The following KCNQ1 variants were observed in gnomAD, a reference collection of about 807,000 sequenced individuals.
KCNQ1 encodes the protein potassium voltage-gated channel subfamily Q member 1, also known as potassium voltage-gated channel subfamily KQT member 1.
Under a neutral mutation model 72.4 loss-of-function variants are expected in KCNQ1, and 49 were observed. The observed-to-expected ratio is 0.68, with a 90% CI of 0.54 to 0.86. The LOEUF is 0.86. Ranked by LOEUF, KCNQ1 falls within the 40% of genes least tolerant of loss-of-function variation. The pLI is 0.00. For synonymous variants in KCNQ1, 450 were observed against 412.6 expected, an observed-to-expected ratio of 1.09 and a Z score of -1.10; for missense variants, 790 against 945.1, an observed-to-expected ratio of 0.84 and a Z score of 2.15.
chr11:2,611,565 G>A lies in KCNQ1; in HGVS notation c.1393+22711G>A. The A allele has an allele frequency of 5.0e-6, 2 of 398,536 alleles. No individual in the cohort carries two copies. Among genetic ancestry groups the A allele is most frequent in the Non-Finnish European group, 8.8e-6 (2 of 226,062 alleles). The allele number at this position is 398,536 out of a possible 1,614,324, so 24.7% of individuals were successfully genotyped here. A position where few individuals can be genotyped will look rare whatever the true frequency, so the allele number is the denominator to read the frequency against. ...CTAGCTTTCTTATTACTGTTTGCAT[G>A]TCATCTTTTTCCATCATTTTACTTT... On this transcript the variant is annotated intron_variant, in intron 10 of 15. Coordinates refer to ENST00000155840, the MANE Select transcript of KCNQ1 (RefSeq NM_000218.3). This position sits in a 1 kb window ranked among gnomAD's most constrained non-coding sequence, Gnocchi z 5.3.
intron 2 of KCNQ1, among the ~76,000 whole-genome samples, chr11:2,548,768 C>T (rs1011364725): frequency 3.3e-5 from 5 of 152,202 alleles, no homozygotes; most frequent in African/African-American, 7.2e-5. Context: ...TGGCGGTGGC[C>T]TGGGGGTGCT....
In KCNQ1 at chr11:2,475,850, C is replaced by T. The variant is rs571775077; in HGVS notation, c.386+30366C>T. Among the ~76,000 whole-genome samples the T allele has an allele frequency of 7.2e-5, 11 of 152,316 alleles. No individual in the cohort carries two copies. The East Asian group carries it at 1.7e-3, about 24-fold the overall frequency. On this transcript the variant is annotated intron_variant, in intron 1 of 15. Coordinates refer to ENST00000155840, the MANE Select transcript of KCNQ1 (RefSeq NM_000218.3). This position sits in a 1 kb window ranked among gnomAD's most constrained non-coding sequence, Gnocchi z 5.8. ...CTCATGTTTTGCCTGCCACCATCCA[C>T]GTAAGATGGGACTTGGTCCTCCTTG... is the stretch of plus-strand genomic sequence containing the variant.
intron 15 of KCNQ1, among the ~76,000 whole-genome samples, chr11:2,798,905 G>A (rs1338644317): frequency 1.3e-5 from 2 of 152,188 alleles, no homozygotes; most frequent in Non-Finnish European, 2.9e-5. Context: ...GGCTGGAGGA[G>A]CAGGAACAGG....
rs547284149 is a variant in KCNQ1 at position 2,699,312 on chromosome 11, G to A, written c.1514+37231G>A. The A allele has an allele frequency of 8.3e-5, 33 of 399,020 alleles. No homozygotes were observed. In the Admixed American group the frequency reaches 1.4e-3, roughly 16 times the overall value. 24.7% of individuals were successfully genotyped at this position (399,020 alleles called of 1,614,324 possible). On this transcript the variant is annotated intron_variant, in intron 11 of 15. Transcript: ENST00000155840. ...GACGCCTGTGATCTGGGACGGCCGC[G>A]GGGCACACAGCTCACCTCAGCAACG...
intron 11 of KCNQ1, chr11:2,667,429 C>A (rs967967074): frequency 2.5e-6 from 1 of 398,618 alleles, no homozygotes; most frequent in Non-Finnish European, 4.4e-6. Flanking sequence ...GAACTCCCAG[C>A]CATGATGCTG....
At chr11:2,607,093 C>T (rs755081395) in intron 10 of KCNQ1, among the ~76,000 whole-genome samples, 11 of 151,552 alleles carry the variant, frequency 7.3e-5, no homozygotes, top group Admixed American at 3.3e-4. Flanking sequence ...TTAGTAAAGA[C>T]GGGGTTTCAC....
rs1848926535 is a variant in KCNQ1, at chr11:2,608,820, A to G, written c.1393+19966A>G. On this transcript the variant is annotated intron_variant, in intron 10 of 15. Coordinates refer to ENST00000155840, the MANE Select transcript of KCNQ1 (RefSeq NM_000218.3). This position sits in a 1 kb window ranked among gnomAD's most constrained non-coding sequence, Gnocchi z 4.6. ...TTTTGCTTTAATTTGTAAAACTGTC[A>G]TTCATTTCTGATTTTAGTAATTTGA... The G allele has an allele frequency of 2.5e-6, 1 of 398,414 alleles. No individual in the cohort carries two copies. The highest frequency in any genetic ancestry group is 3.6e-5 in the East Asian group (1 of 28,068). 24.7% of individuals were successfully genotyped at this position (398,414 alleles called of 1,614,324 possible).
chr11:2,840,459 G>T (rs1848184049), intron 15 of KCNQ1: 1 of 152,188 alleles, frequency 6.6e-6, no homozygotes, highest in Admixed American at 6.5e-5. Flanking sequence ...AAGTAAGTCT[G>T]TAGGTCAGAA....
At position 2,809,498 on chromosome 11, in the gene KCNQ1, CCT is replaced by C. The variant is rs1847444985; in HGVS notation, c.1794+31464_1794+31465del. ...GTGCACAGCTTGGGGGCTCTGCTTCCCTCTGTTTGTTCGTCTTGGTGCTGTGT... is the reference window on the plus strand; with the variant it reads ...GTGCACAGCTTGGGGGCTCTGCTTCCCTGTTTGTTCGTCTTGGTGCTGTGT... On this transcript the variant is annotated intron_variant, in intron 15 of 15. Transcript: ENST00000155840. This position sits in a 1 kb window ranked among gnomAD's most constrained non-coding sequence, Gnocchi z 7.1. Among the ~76,000 whole-genome samples the C allele has an allele frequency of 6.6e-6, 1 of 152,130 alleles. No homozygotes were observed. Among genetic ancestry groups the C allele is most frequent in the Non-Finnish European group, 1.5e-5 (1 of 68,022 alleles).
rs1304664586 is a variant in KCNQ1 at position 2,494,008 on chromosome 11, GTCCTT to G, written c.387-33909_387-33905del. Among the ~76,000 whole-genome samples, 1 of 152,006 alleles carries G rather than the reference GTCCTT, an allele frequency of 6.6e-6. No individual in the cohort carries two copies. The highest frequency in any genetic ancestry group is 1.5e-5 in the Non-Finnish European group (1 of 67,986). ...TGGAATTTTTTTTCCATTTGTTTGT[GTCCTT>G]TCCTTTCCTTCAGCAGTGGTTTGTT... On this transcript the variant is annotated intron_variant, in intron 1 of 15. Coordinates refer to ENST00000155840, the MANE Select transcript of KCNQ1 (RefSeq NM_000218.3). The surrounding 1 kb of genome is among the most constrained non-coding windows in gnomAD (Gnocchi z 4.6).
chr11:2,738,310 G>A (rs1045170810), intron 11 of KCNQ1, among the ~76,000 whole-genome samples: 5 of 152,272 alleles, frequency 3.3e-5, no homozygotes, highest in African/African-American at 7.2e-5. Flanking sequence ...GTGGGCAGAC[G>A]TGTTATCATG....
rs191141051 is a variant in KCNQ1 at position 2,630,995 on chromosome 11, C to A, written c.1394-30966C>A. 426 of 398,482 alleles carry A rather than the reference C, an allele frequency of 1.1e-3. No homozygotes were observed. The highest frequency in any genetic ancestry group is 1.5e-3 in the Non-Finnish European group (334 of 226,004). 24.7% of individuals were successfully genotyped at this position (398,482 alleles called of 1,614,324 possible). On this transcript the variant is annotated intron_variant, in intron 10 of 15. Coordinates refer to ENST00000155840, the MANE Select transcript of KCNQ1 (RefSeq NM_000218.3). ...AGATGTAAGAACTTTATTTATCTTG[C>A]CGCTTTCAAAATTATCTTGTCTTCC...
chr11:2,604,631 A>C (rs11529572), intron 10 of KCNQ1, among the ~76,000 whole-genome samples: 1 of 151,064 alleles, frequency 6.6e-6, no homozygotes, highest in Admixed American at 6.6e-5. Context: ...TGCAACCTCT[A>C]CCTCCCAGGT....
intron 2 of KCNQ1, among the ~76,000 whole-genome samples, chr11:2,570,139 G>C (rs1046499937): frequency 2.0e-5 from 3 of 152,218 alleles, no homozygotes; most frequent in Non-Finnish European, 4.4e-5. Flanking sequence ...AGGGTTCCTG[G>C]CGTGGGACGC....
At position 2,704,067 on chromosome 11, in the gene KCNQ1, C is replaced by T. The variant is rs1237449262; in HGVS notation, c.1514+41986C>T. Among the ~76,000 whole-genome samples, 2 of 152,242 alleles carry T rather than the reference C, an allele frequency of 1.3e-5. No individual in the cohort carries two copies. Among genetic ancestry groups the T allele is most frequent in the Admixed American group, 6.5e-5 (1 of 15,286 alleles). ...TCTTAAGGTCAGCCCTTGCAGTTGG[C>T]AGTCTGTGGCCCCTCCTCGGTCCCC... On this transcript the variant is annotated intron_variant, in intron 11 of 15. Transcript: ENST00000155840. This position sits in a 1 kb window ranked among gnomAD's most constrained non-coding sequence, Gnocchi z 4.3.
chr11:2,690,185 G>A lies in KCNQ1; in HGVS notation c.1514+28104G>A, dbSNP rs191617095. The stretch of plus-strand genomic sequence containing the variant: ...AGGATGTGGAAGGCTGGTCTCTCCA[G>A]AGACTGGGCTAAACTCTGCTGTGTC... On this transcript the variant is annotated intron_variant, in intron 11 of 15. Transcript: ENST00000155840. This position sits in a 1 kb window ranked among gnomAD's most constrained non-coding sequence, Gnocchi z 5.1. 2 of 398,798 alleles carry A rather than the reference G, an allele frequency of 5.0e-6. No individual in the cohort carries two copies. Among genetic ancestry groups the A allele is most frequent in the Admixed American group, 8.8e-5 (2 of 22,746 alleles). The allele number at this position is 398,798 out of a possible 1,614,324, so 24.7% of individuals were successfully genotyped here.
intron 11 of KCNQ1, chr11:2,686,006 T>A (rs1850482985): frequency 2.5e-6 from 1 of 397,780 alleles, no homozygotes. Flanking sequence ...CCAAGAAGAG[T>A]CAGGGGGGCT....
chr11:2,604,696 C>T (rs753967946), intron 10 of KCNQ1, among the ~76,000 whole-genome samples: 4 of 151,842 alleles, frequency 2.6e-5, no homozygotes, highest in Non-Finnish European at 5.9e-5. Context: ...AGGCACATGC[C>T]ACCATGCCCA....
At chr11:2,792,416 G>A (rs1847044233) in intron 15 of KCNQ1, among the ~76,000 whole-genome samples, 2 of 152,212 alleles carry the variant, frequency 1.3e-5, no homozygotes, top group South Asian at 2.1e-4. Flanking sequence ...TTTTACAGTG[G>A]CCTCTGCTCT....
Sources: allele counts gnomAD v4.1 joint callset (sites outside exome capture counted in the v4.1 genomes callset), GRCh38; gene constraint gnomAD v4.1.1; non-coding constraint Gnocchi (gnomAD v3.1); transcripts MANE v1.5; gene names NCBI Gene and HGNC (gene_info 2026-07-23, HGNC 2026-07-21).